Variants in NEB observed in about 807,000 individuals in gnomAD.
NEB encodes the protein nemaline myopathy type 2.
In NEB, 512 loss-of-function variants were observed where a neutral mutation model predicts 952.2. That is an observed-to-expected ratio of 0.54 (90% CI 0.50 to 0.58). The LOEUF (loss-of-function observed/expected upper bound fraction) is 0.58. Ranked by LOEUF, NEB falls within the 20% of genes least tolerant of loss-of-function variation. The probability of loss-of-function intolerance (pLI) is 0.00; values close to 1 mark genes in which losing one functional copy is unlikely to be tolerated. For synonymous variants in NEB, 2,900 were observed against 3,149.8 expected (o/e 0.92, Z 2.66); for missense variants, 8,428 against 9,231.1 (o/e 0.91, Z 3.56).
chr2:151,614,150 G>T, intron 77 of NEB, 126 bp downstream of exon 77: 2 of 1,077,560 alleles, frequency 1.9e-6, no homozygotes, highest in Non-Finnish European at 1.3e-6. Context: ...ACTTTATTTT[G>T]TGCATTTCAG....
At chr2:151,650,134 T>C in intron 54 of NEB, 42 bp downstream of exon 54, 1 of 1,577,416 alleles carries the variant, frequency 6.3e-7, no homozygotes. Flanking sequence ...AAACACTAGG[T>C]AGCAGGCACT....
At chr2:151,706,223 G>A (rs1462663695) in intron 13 of NEB, among the ~76,000 whole-genome samples, 2 of 152,132 alleles carry the variant, frequency 1.3e-5, no homozygotes, top group Non-Finnish European at 2.9e-5. Flanking sequence ...CTTAGTTCAA[G>A]GGACAAAGAA....
rs144253891 is a variant in NEB at position 151,672,938 on chromosome 2, C to T, written c.3988-258G>A. Among the ~76,000 whole-genome samples the T allele has an allele frequency of 2.2e-4, 34 of 152,288 alleles. No individual in the cohort carries two copies. The East Asian group carries it at 5.6e-3, about 25-fold the overall frequency. ...TTTGCATGTGGAACTTTATTTTAAA[C>T]AAACTGAATTTTCACACTTAATATG... is the stretch of plus-strand genomic sequence containing the variant. On this transcript the variant is annotated intron_variant, in intron 36 of 181. Transcript: ENST00000397345.
At chr2:151,566,903 GT>G (rs1234651459) in intron 114 of NEB, among the ~76,000 whole-genome samples, 1 of 152,146 alleles carries the variant, frequency 6.6e-6, no homozygotes, top group African/African-American at 2.4e-5. Context: ...TGAGTGAGGA[GT>G]TGCTGATGGC....
chr2:151,672,710 C>T, intron 36 of NEB, 30 bp from the exon 37 acceptor site: 1 of 1,562,618 alleles, frequency 6.4e-7, no homozygotes, highest in African/African-American at 1.4e-5. Flanking sequence ...TTAGCAAAGT[C>T]CTAGGCATTG....
chr2:151,556,676 T>C (rs2095663793), intron 124 of NEB, among the ~76,000 whole-genome samples: 1 of 152,106 alleles, frequency 6.6e-6, no homozygotes, highest in South Asian at 2.1e-4. Context: ...CCTAAATATA[T>C]ACACACCCAA....
intron 54 of NEB, among the ~76,000 whole-genome samples, chr2:151,647,004 T>TG (rs967347170): frequency 2.6e-5 from 4 of 152,054 alleles, no homozygotes; most frequent in African/African-American, 9.7e-5. Flanking sequence ...AAGGATTTTT[T>TG]GGGGGGGAAT....
At chr2:151,677,800 G>C in intron 33 of NEB, 29 bp from the exon 34 acceptor site, 1 of 1,612,798 alleles carries the variant, frequency 6.2e-7, no homozygotes, top group Non-Finnish European at 8.5e-7. Flanking sequence ...GAGGAGTGAG[G>C]GCCTAGGACA....
At chr2:151,669,875 A>G (rs969211496) in intron 38 of NEB, among the ~76,000 whole-genome samples, 7 of 152,200 alleles carry the variant, frequency 4.6e-5, no homozygotes, top group African/African-American at 1.4e-4. Context: ...GCAGTTGTCC[A>G]CACGAGCCAT....
At chr2:151,652,956 T>A (rs1193141359) in intron 52 of NEB, among the ~76,000 whole-genome samples, 3 of 152,228 alleles carry the variant, frequency 2.0e-5, no homozygotes, top group Admixed American at 2.0e-4. Context: ...TGATTTATTT[T>A]AATAAGGGAT....
intron 181 of NEB, among the ~76,000 whole-genome samples, chr2:151,488,627 T>TA (rs1237009395): frequency 1.3e-5 from 2 of 151,902 alleles, no homozygotes; most frequent in African/African-American, 4.8e-5. Flanking sequence ...GCCTGGGTGA[T>TA]AGAGTGAGAC....
At chr2:151,650,088 T>A (rs1463825640) in intron 54 of NEB, 88 bp downstream of exon 54, 1 of 1,224,572 alleles carries the variant, frequency 8.2e-7, no homozygotes, top group Non-Finnish European at 1.2e-6. Context: ...CAATGCTTTG[T>A]GGTTCTACTC....
Position 151,631,209 on chromosome 2 carries a change from T to A in NEB, c.9552A>T (p.Lys3184Asn). Reference sequence around the variant, plus strand: ...CTAGAGAATCAGTCACACTGGTAAATTTCAGCTTGTCCGGAGGCTGGCGGT... The same window carrying A: ...CTAGAGAATCAGTCACACTGGTAAAATTCAGCTTGTCCGGAGGCTGGCGGT... ...NIYRQPPDKL[K>N]FTSVTDSLEQ... Residue 3184 changes from lysine to asparagine, a missense_variant, in exon 66 of 182, where the codon AAA (lysine) becomes AAT (asparagine). Lys to Asn is a moderately conservative substitution (Grantham distance 94). This residue lies in a region of NEB where 1,772 missense variants were observed against 1,960.3 expected (regional missense o/e 0.90). Transcript: ENST00000397345. 6.2e-7 allele frequency: 1 copy of A among 1,613,928 alleles called. No individual in the cohort carries two copies. Among genetic ancestry groups the A allele is most frequent in the Non-Finnish European group, 8.5e-7 (1 of 1,179,860 alleles).
At chr2:151,509,553 T>C (rs1436529792) in intron 161 of NEB, among the ~76,000 whole-genome samples, 2 of 152,108 alleles carry the variant, frequency 1.3e-5, no homozygotes, top group East Asian at 3.9e-4. Flanking sequence ...AAATTGAGGG[T>C]TGGACTGCTA....
At chr2:151,707,023 A>T in intron 12 of NEB, 26 bp from the exon 13 acceptor site, 3 of 1,449,024 alleles carry the variant, frequency 2.1e-6, no homozygotes, top group Non-Finnish European at 2.8e-6. Context: ...AAAATGATAA[A>T]GTAACTCTAT....
rs1199344636 is a variant in NEB at position 151,494,273 on chromosome 2, C to A, written c.24487-20G>T. The stretch of plus-strand genomic sequence containing the variant: ...CAAAACCTATGGGAATCCAATGGGT[C>A]CAAAAAGCCAAAAAGAAAAAGAGTT... On this transcript the variant is annotated intron_variant, in intron 173 of 181. Coordinates refer to ENST00000397345, the MANE Select transcript of NEB (RefSeq NM_001164508.2). The A allele has an allele frequency of 1.1e-5, 16 of 1,463,012 alleles. No individual in the cohort carries two copies. Among genetic ancestry groups the A allele is most frequent in the Non-Finnish European group, 1.3e-5 (14 of 1,064,828 alleles). 90.6% of individuals were successfully genotyped at this position (1,463,012 alleles called of 1,614,324 possible).
chr2:151,619,724 G>T lies in NEB; in HGVS notation c.10599C>A (p.His3533Gln). 3.7e-6 allele frequency: 6 copies of T among 1,613,642 alleles called. No individual in the cohort carries two copies. The highest frequency in any genetic ancestry group is 2.2e-5 in the South Asian group (2 of 91,046). Reference sequence around the variant, plus strand: ...CGTGTACTGCTCGGGCGCCAATGTGGTGACCCAACTGTTTACGATATGCTT... The same window carrying T: ...CGTGTACTGCTCGGGCGCCAATGTGTTGACCCAACTGTTTACGATATGCTT... Reference protein sequence around the residue: ...YKEAYRKQLGHHIGARAVHDD... With the variant: ...YKEAYRKQLGQHIGARAVHDD... Residue 3533 changes from histidine to glutamine, a missense_variant, in exon 73 of 182, where the codon CAC (histidine) becomes CAA (glutamine). Physicochemically the swap from His to Gln is conservative, Grantham distance 24 (BLOSUM62 0). Coordinates refer to ENST00000397345, the MANE Select transcript of NEB (RefSeq NM_001164508.2).
chr2:151,506,138 A>G (rs1470456606), intron 164 of NEB, 28 bp downstream of exon 164: 1 of 1,548,574 alleles, frequency 6.5e-7, no homozygotes, highest in Admixed American at 1.7e-5. Flanking sequence ...GGCAGAAAAT[A>G]TTGCAAGTGC....
chr2:151,720,753 T>C (rs2099772035), intron 9 of NEB, among the ~76,000 whole-genome samples: 1 of 152,200 alleles, frequency 6.6e-6, no homozygotes, highest in Non-Finnish European at 1.5e-5. Context: ...CCCTCATCCT[T>C]TTGCTGGCTC....
Sources: gnomAD v4.1 joint callset for allele counts (sites outside exome capture counted in the v4.1 genomes callset) on GRCh38, gnomAD v4.1.1 for gene constraint, gnomAD v4.1.1 regional missense constraint, MANE v1.5 for transcripts, NCBI Gene and HGNC (gene_info 2026-07-23, HGNC 2026-07-21) for gene names.